PCDHGA9: variants seen among roughly 807,000 people sequenced by gnomAD.
PCDHGA9 encodes the protein protocadherin gamma subfamily A, 9.
PCDHGA9 carries 37 observed loss-of-function variants against 62.5 expected under a neutral mutation model. That is an observed-to-expected ratio of 0.59 (90% CI 0.46 to 0.78). PCDHGA9 has a LOEUF of 0.78. Among genes scored for constraint, PCDHGA9 ranks in the 30% least tolerant of loss-of-function variants. The pLI is 0.00. For synonymous variants in PCDHGA9, 459 were observed against 484.6 expected, an observed-to-expected ratio of 0.95 and a Z score of 0.69; for missense variants, 1,138 against 1,166.2, an observed-to-expected ratio of 0.98 and a Z score of 0.35.
At chr5:141,410,012 C>T (rs1256228205) in intron 1 of PCDHGA9, 24 of 1,613,212 alleles carry the variant, frequency 1.5e-5, no homozygotes, top group Non-Finnish European at 2.0e-5. Context: ...CAACGCCTGG[C>T]TGTCCTACCA....
chr5:141,418,093 C>A, intron 1 of PCDHGA9: 2 of 1,614,032 alleles, frequency 1.2e-6, no homozygotes, highest in Non-Finnish European at 1.7e-6. Context: ...TCAGCGTAGA[C>A]GCGCAGAGCG....
rs2233602 is a variant in PCDHGA9, at chr5:141,490,032, C to T, written c.2425-4775C>T. 47,990 of 1,614,182 alleles carry T rather than the reference C, an allele frequency of 0.03. 1,413 individuals are homozygous for T. Among genetic ancestry groups the T allele is most frequent in the African/African-American group, 0.15 (11,444 of 75,040 alleles). On this transcript the variant is annotated intron_variant, in intron 1 of 3. Coordinates refer to ENST00000573521, the MANE Select transcript of PCDHGA9 (RefSeq NM_018921.3). The surrounding 1 kb of genome is among the most constrained non-coding windows in gnomAD (Gnocchi z 5.4). ...CCATTGGTACTCTGCTGCTCCGCCT[C>T]AATGCCACTGATCCAGACGAGGGCA...
intron 1 of PCDHGA9, chr5:141,413,770 G>A: frequency 6.2e-7 from 1 of 1,612,708 alleles, no homozygotes; most frequent in Non-Finnish European, 8.5e-7. Context: ...CCCGGAGCTG[G>A]TACTGGAGCA....
Position 141,510,868 on chromosome 5 carries a change from T to C in PCDHGA9, c.2573-79T>C, listed in dbSNP as rs2099883142. 40 of 1,608,466 alleles carry C rather than the reference T, an allele frequency of 2.5e-5. No homozygotes were observed. The Middle Eastern group carries it at 4.9e-4, about 20-fold the overall frequency. On this transcript the variant is annotated intron_variant, in intron 3 of 3. Transcript: ENST00000573521. The stretch of plus-strand genomic sequence containing the variant: ...GCCCAGGGTGCTGTATAGGCATTCA[T>C]TAACTGCTGGGGATATAAGACAGTG...
At chr5:141,505,121 C>A (rs1194549194) in intron 2 of PCDHGA9, among the ~76,000 whole-genome samples, 1 of 152,168 alleles carries the variant, frequency 6.6e-6, no homozygotes, top group Non-Finnish European at 1.5e-5. Context: ...AAGATCGCGC[C>A]ACTGCACTCC....
chr5:141,431,774 G>T lies in PCDHGA9; in HGVS notation c.2424+26398G>T. Reference sequence around the variant, plus strand: ...AGCCAAAGTCCTGATCACTGTTCTGGACGTGAACGACAATGCCCCAGAAGT... The same window carrying T: ...AGCCAAAGTCCTGATCACTGTTCTGTACGTGAACGACAATGCCCCAGAAGT... On this transcript the variant is annotated intron_variant, in intron 1 of 3. Transcript: ENST00000573521. This position sits in a 1 kb window ranked among gnomAD's most constrained non-coding sequence, Gnocchi z 4.8. 5 of 1,614,204 alleles carry T rather than the reference G, an allele frequency of 3.1e-6. No individual in the cohort carries two copies. The highest frequency in any genetic ancestry group is 4.2e-6 in the Non-Finnish European group (5 of 1,180,038).
intron 1 of PCDHGA9, among the ~76,000 whole-genome samples, chr5:141,444,256 C>T (rs1445343718): frequency 2.1e-5 from 3 of 146,298 alleles, no homozygotes; most frequent in African/African-American, 5.1e-5. Context: ...ACTGCAACCT[C>T]CGCCTCCCAG....
intron 1 of PCDHGA9, among the ~76,000 whole-genome samples, chr5:141,463,205 A>T (rs2099054933): frequency 6.6e-6 from 1 of 152,080 alleles, no homozygotes; most frequent in Non-Finnish European, 1.5e-5. Context: ...AGACTTGGGG[A>T]TCCATATTAA....
intron 1 of PCDHGA9, chr5:141,423,206 C>A: frequency 6.2e-7 from 1 of 1,613,668 alleles, no homozygotes. Context: ...GCCACCGTCA[C>A]GCTCACCGTG....
Position 141,487,820 on chromosome 5 carries a change from G to A in PCDHGA9, c.2425-6987G>A, listed in dbSNP as rs1024593393. 8 of 1,293,652 alleles carry A rather than the reference G, an allele frequency of 6.2e-6. No individual in the cohort carries two copies. The highest frequency in any genetic ancestry group is 3.7e-4 in the Middle Eastern group (2 of 5,382). 80.1% of individuals were successfully genotyped at this position (1,293,652 alleles called of 1,614,324 possible). A position where few individuals can be genotyped will look rare whatever the true frequency, so the allele number is the denominator to read the frequency against. On this transcript the variant is annotated intron_variant, in intron 1 of 3. Transcript: ENST00000573521. This position sits in a 1 kb window ranked among gnomAD's most constrained non-coding sequence, Gnocchi z 5.0. ...GTTGTCACAGTTTAGCATTGGGGGC[G>A]GGTCATGCCTATATCTGAGTAAGAA...
intron 1 of PCDHGA9, chr5:141,413,227 G>A (rs552225139): frequency 1.9e-5 from 30 of 1,613,938 alleles, no homozygotes; most frequent in Non-Finnish European, 2.5e-5. Flanking sequence ...CAGCGGGCTG[G>A]TCCTGCTCTG....
chr5:141,439,618 C>T (rs964445098), intron 1 of PCDHGA9, among the ~76,000 whole-genome samples: 2 of 152,178 alleles, frequency 1.3e-5, no homozygotes, highest in East Asian at 3.8e-4. Context: ...GATAAATGAG[C>T]CAATCCCCAG....
Position 141,464,802 on chromosome 5 carries a change from A to G in PCDHGA9, c.2425-30005A>G, listed in dbSNP as rs545738780. ...TGCCCAGGCCAAATTGCAGTGATGC[A>G]GTCATAGCTCACTGTAGCCTCGCAC... On this transcript the variant is annotated intron_variant, in intron 1 of 3. Transcript: ENST00000573521. Among the ~76,000 whole-genome samples, 25 of 152,032 alleles carry G rather than the reference A, an allele frequency of 1.6e-4. No homozygotes were observed. In the East Asian group the frequency reaches 4.8e-3, roughly 29 times the overall value.
At chr5:141,422,588 C>A in intron 1 of PCDHGA9, 1 of 1,614,056 alleles carries the variant, frequency 6.2e-7, no homozygotes, top group South Asian at 1.1e-5. Flanking sequence ...CCCGTTTTTC[C>A]TCACTCCTCT....
intron 1 of PCDHGA9, chr5:141,419,265 C>G: frequency 6.2e-7 from 1 of 1,614,040 alleles, no homozygotes; most frequent in Non-Finnish European, 8.5e-7. Context: ...CAGCCGGGTG[C>G]CTCCATAGCG....
intron 1 of PCDHGA9, chr5:141,478,694 T>G: frequency 1.3e-6 from 2 of 1,550,598 alleles, no homozygotes; most frequent in Non-Finnish European, 1.7e-6. Context: ...TAGATCAAAG[T>G]TAGTGCCTTT....
At chr5:141,483,980 G>A (rs1379963326) in intron 1 of PCDHGA9, among the ~76,000 whole-genome samples, 4 of 148,294 alleles carry the variant, frequency 2.7e-5, no homozygotes, top group Non-Finnish European at 5.9e-5. Flanking sequence ...CAAGGGAGTA[G>A]CTAGGTTGCT....
chr5:141,441,195 A>C (rs1160365905), intron 1 of PCDHGA9: 1 of 152,224 alleles, frequency 6.6e-6, no homozygotes, highest in Non-Finnish European at 1.5e-5. Context: ...TGATTCCCAA[A>C]GATTCTGCAC....
chr5:141,421,227 C>T (rs1387397967), intron 1 of PCDHGA9: 1 of 1,587,020 alleles, frequency 6.3e-7, no homozygotes, highest in Non-Finnish European at 8.6e-7. Context: ...TAGAGCCTGC[C>T]ATGGCGAATC....
Sources: allele counts gnomAD v4.1 joint callset (sites outside exome capture counted in the v4.1 genomes callset), GRCh38; gene constraint gnomAD v4.1.1; non-coding constraint Gnocchi (gnomAD v3.1); transcripts MANE v1.5; gene names NCBI Gene and HGNC (gene_info 2026-07-23, HGNC 2026-07-21).